The following PPP3R1 variants were observed in gnomAD, a reference collection of about 807,000 sequenced individuals.
The protein encoded by PPP3R1 is protein phosphatase 3 regulatory subunit B, alpha, also known as calcineurin subunit B type 1.
A neutral mutation model predicts 22.6 loss-of-function variants in PPP3R1; 5 were observed. The ratio of observed to expected loss-of-function variants is 0.22; its 90% CI spans 0.12 to 0.46. PPP3R1 has a LOEUF of 0.46. Ranked by LOEUF, PPP3R1 falls within the 20% of genes least tolerant of loss-of-function variation. PPP3R1 has a pLI of 0.99. For synonymous variants in PPP3R1, 56 were observed against 65.2 expected, an observed-to-expected ratio of 0.86 and a Z score of 0.68; for missense variants, 61 against 203.2, an observed-to-expected ratio of 0.30 and a Z score of 4.25.
chr2:68,181,594 C>CT (rs35684152), intron 5 of PPP3R1, among the ~76,000 whole-genome samples: 92,016 of 137,666 alleles, frequency 0.67, 30,436 homozygotes, highest in South Asian at 0.76. Flanking sequence ...TCACATTTTC[C>CT]TTTTTTTTTT....
intron 1 of PPP3R1, among the ~76,000 whole-genome samples, chr2:68,239,139 C>T (rs530579832): frequency 2.8e-4 from 43 of 152,226 alleles, no homozygotes; most frequent in African/African-American, 9.9e-4. Flanking sequence ...ATTGTTCCAA[C>T]ACAGATAAAT....
chr2:68,214,925 G>A (rs532933483), intron 2 of PPP3R1, among the ~76,000 whole-genome samples: 8 of 152,172 alleles, frequency 5.3e-5, no homozygotes, highest in Non-Finnish European at 7.4e-5. Flanking sequence ...AGAAAATGAG[G>A]TACATATACA....
At chr2:68,192,338 G>A (rs185239948) in intron 2 of PPP3R1, among the ~76,000 whole-genome samples, 2 of 152,152 alleles carry the variant, frequency 1.3e-5, no homozygotes, top group East Asian at 1.9e-4. Flanking sequence ...GTGATCTATT[G>A]TGAGTAGATA....
At chr2:68,198,243 A>C (rs111908493) in intron 2 of PPP3R1, among the ~76,000 whole-genome samples, 1 of 51,180 alleles carries the variant, frequency 2.0e-5, no homozygotes, top group African/African-American at 6.0e-5. Context: ...GTATACACAT[A>C]TGTACATACA....
At chr2:68,209,580 C>G (rs1273580876) in intron 2 of PPP3R1, among the ~76,000 whole-genome samples, 1 of 151,580 alleles carries the variant, frequency 6.6e-6, no homozygotes, top group Non-Finnish European at 1.5e-5. Flanking sequence ...TAATAAAACC[C>G]GGACTCTACA....
intron 2 of PPP3R1, among the ~76,000 whole-genome samples, chr2:68,205,771 A>T (rs550074232): frequency 1.3e-5 from 2 of 152,138 alleles, no homozygotes; most frequent in Non-Finnish European, 2.9e-5. Flanking sequence ...GCCAGATTGC[A>T]GTAGACCAAG....
At chr2:68,243,158 AATCTAT>A (rs1670165445) in intron 1 of PPP3R1, among the ~76,000 whole-genome samples, 1 of 152,206 alleles carries the variant, frequency 6.6e-6, no homozygotes, top group African/African-American at 2.4e-5. Flanking sequence ...ACAGTATAGG[AATCTAT>A]GAATTGTTTA....
chr2:68,213,639 G>A (rs1052533366), intron 2 of PPP3R1, among the ~76,000 whole-genome samples: 1 of 152,196 alleles, frequency 6.6e-6, no homozygotes, highest in East Asian at 1.9e-4. Context: ...GAAAATGGCA[G>A]AGACAGACTT....
intron 1 of PPP3R1, among the ~76,000 whole-genome samples, chr2:68,222,444 C>T (rs1669702087): frequency 1.3e-5 from 2 of 152,194 alleles, no homozygotes; most frequent in Admixed American, 1.3e-4. Context: ...AAGAGATTAG[C>T]ATCTGAACTG....
chr2:68,231,272 C>G (rs1669892073), intron 1 of PPP3R1, among the ~76,000 whole-genome samples: 1 of 152,104 alleles, frequency 6.6e-6, no homozygotes. Flanking sequence ...AGCCTACTCA[C>G]TGGGCTACTG....
intron 1 of PPP3R1, among the ~76,000 whole-genome samples, chr2:68,231,804 T>C (rs1452325670): frequency 6.6e-6 from 1 of 152,160 alleles, no homozygotes; most frequent in East Asian, 1.9e-4. Flanking sequence ...CAAGTTTTAC[T>C]AATGATTGCT....
intron 1 of PPP3R1, among the ~76,000 whole-genome samples, chr2:68,232,757 C>T (rs1481005579): frequency 6.6e-6 from 1 of 151,958 alleles, no homozygotes; most frequent in Non-Finnish European, 1.5e-5. Context: ...CAGGCATGCA[C>T]CACTTTGCCC....
At chr2:68,208,768 ACAAAATTAG>A (rs1669388786) in intron 2 of PPP3R1, among the ~76,000 whole-genome samples, 2 of 152,082 alleles carry the variant, frequency 1.3e-5, no homozygotes, top group South Asian at 4.2e-4. Context: ...TACTAAAAAT[ACAAAATTAG>A]CCAGGTGTGG....
intron 2 of PPP3R1, among the ~76,000 whole-genome samples, chr2:68,190,498 G>A (rs527525306): frequency 7.8e-4 from 119 of 152,186 alleles, no homozygotes; most frequent in Middle Eastern, 3.4e-3. Flanking sequence ...CCTGGGAGGC[G>A]GAGGTTGCAG....
chr2:68,206,763 G>A (rs958139154), intron 2 of PPP3R1, among the ~76,000 whole-genome samples: 1 of 152,110 alleles, frequency 6.6e-6, no homozygotes, highest in African/African-American at 2.4e-5. Flanking sequence ...TAATCCATAA[G>A]TACTTGGTAG....
intron 5 of PPP3R1, among the ~76,000 whole-genome samples, chr2:68,182,091 C>A (rs1287749290): frequency 2.7e-5 from 3 of 109,940 alleles, no homozygotes; most frequent in Admixed American, 9.9e-5. Context: ...CCCCCCACCA[C>A]ACACACACGA....
chr2:68,225,728 T>C (rs141600484), intron 1 of PPP3R1, among the ~76,000 whole-genome samples: 2 of 152,222 alleles, frequency 1.3e-5, no homozygotes, highest in Non-Finnish European at 1.5e-5. Context: ...AACACTGACA[T>C]ACCAAAGTGT....
At chr2:68,243,220 A>C (rs1458380321) in intron 1 of PPP3R1, among the ~76,000 whole-genome samples, 1 of 152,218 alleles carries the variant, frequency 6.6e-6, no homozygotes, top group Non-Finnish European at 1.5e-5. Context: ...GAAATCTTCA[A>C]ACATTTTAAA....
intron 1 of PPP3R1, among the ~76,000 whole-genome samples, chr2:68,221,834 T>TA (rs1669693379): frequency 6.6e-6 from 1 of 151,842 alleles, no homozygotes; most frequent in Non-Finnish European, 1.5e-5. Flanking sequence ...GGAATCTGTT[T>TA]AAAGTGTTTA....
Sources: allele counts gnomAD v4.1 joint callset (sites outside exome capture counted in the v4.1 genomes callset), GRCh38; gene constraint gnomAD v4.1.1; transcripts MANE v1.5; gene names NCBI Gene and HGNC (gene_info 2026-07-23, HGNC 2026-07-21).